Variants in UTP25 observed in about 807,000 individuals in gnomAD.
UTP25 encodes the protein U3 small nucleolar RNA-associated protein 25 homolog.
A neutral mutation model predicts 78.9 loss-of-function variants in UTP25; 50 were observed. The ratio of observed to expected loss-of-function variants is 0.63; its 90% CI spans 0.50 to 0.80. UTP25 has a LOEUF of 0.80. Ranked by LOEUF, UTP25 falls within the 30% of genes least tolerant of loss-of-function variation. The pLI is 0.00. For missense variants in UTP25, 846 were observed against 911.3 expected, an observed-to-expected ratio of 0.93 and a Z score of 0.92; for synonymous variants, 329 against 336.5, an observed-to-expected ratio of 0.98 and a Z score of 0.24.
In UTP25 at chr1:209,851,244, C is replaced by A. The variant is rs2078235955; in HGVS notation, c.2068C>A (p.Leu690Met). 2 of 1,613,924 alleles carry A rather than the reference C, an allele frequency of 1.2e-6. No individual in the cohort carries two copies. The highest frequency in any genetic ancestry group is 1.3e-5 in the African/African-American group (1 of 74,922). Residue 690 changes from leucine (L) to methionine (M), a missense_variant, in exon 12 of 12, where the codon CTG becomes ATG. Physicochemically the swap from Leu to Met is conservative, Grantham distance 15. Transcript: ENST00000491415. The stretch of plus-strand genomic sequence containing the variant: ...CATCAGGAACCTGATTTTCTATGAA[C>A]TGCCGACATATCCACACTTTTACAG... ...KGIRNLIFYE[L>M]PTYPHFYSEI...
chr1:209,833,431 A>C, intron 4 of UTP25, 73 bp downstream of exon 4: 1 of 1,295,718 alleles, frequency 7.7e-7, no homozygotes, highest in Non-Finnish European at 1.0e-6. Flanking sequence ...TACACATTGA[A>C]TCTATTATTG....
chr1:209,843,635 T>G lies in UTP25; in HGVS notation c.1966T>G (p.Phe656Val). Reference protein sequence around the residue: ...QKSGVSRARHFFLQGEKQFLL... With the variant: ...QKSGVSRARHVFLQGEKQFLL... ...GTCTGGTGTCTCCAGGGCCAGACAC[T>G]TCTTCCTTCAAGGAGAGAAACAGTT... Residue 656 changes from phenylalanine (F) to valine (V), a missense_variant, in exon 11 of 12, where the codon TTC (phenylalanine) becomes GTC (valine). By Grantham distance (50) the Phe-to-Val change is conservative. Coordinates refer to ENST00000491415, the MANE Select transcript of UTP25 (RefSeq NM_014388.7). The G allele has an allele frequency of 1.2e-5, 20 of 1,614,146 alleles. No homozygotes were observed. The highest frequency in any genetic ancestry group is 1.7e-5 in the Non-Finnish European group (20 of 1,180,000).
At chr1:209,849,610 G>A (rs535767862) in intron 11 of UTP25, among the ~76,000 whole-genome samples, 1 of 152,212 alleles carries the variant, frequency 6.6e-6, no homozygotes, top group East Asian at 1.9e-4. Flanking sequence ...GGGCTTTCAT[G>A]TCCCTACCAC....
Position 209,830,788 on chromosome 1 carries a change from T to A in UTP25, c.148-15T>A. ...AATATAGTTTTTGTTCTTAAAATTC[T>A]CCTTTTCCTTTTAGTCAGAGAGTTC... On this transcript the variant is annotated splice_polypyrimidine_tract_variant and intron_variant, in intron 2 of 11. Coordinates refer to ENST00000491415, the MANE Select transcript of UTP25 (RefSeq NM_014388.7). 6.2e-7 allele frequency: 1 copy of A among 1,609,510 alleles called. No homozygotes were observed. The highest frequency in any genetic ancestry group is 8.5e-7 in the Non-Finnish European group (1 of 1,177,900).
At chr1:209,833,681 T>G (rs1354395940) in intron 4 of UTP25, among the ~76,000 whole-genome samples, 6 of 152,056 alleles carry the variant, frequency 3.9e-5, no homozygotes, top group Non-Finnish European at 8.8e-5. Flanking sequence ...AAAAAATACT[T>G]CCTCTACCCC....
At position 209,855,024 on chromosome 1, in the gene UTP25, A is replaced by G. The variant is rs1159859337; in HGVS notation, c.*3577A>G. ...AAAGCCTGGCTACATAGAATTCTAA[A>G]CAGATTTCAGTCAACTTTTAATTAG... On this transcript the variant is annotated 3_prime_UTR_variant, in exon 12 of 12. Transcript: ENST00000491415. 1.3e-5 allele frequency: 2 copies of G among 152,206 alleles called. No homozygotes were observed. The highest frequency in any genetic ancestry group is 1.3e-4 in the Admixed American group (2 of 15,286). 9.4% of individuals were successfully genotyped at this position (152,206 alleles called of 1,614,324 possible). A position where few individuals can be genotyped will look rare whatever the true frequency, so the allele number is the denominator to read the frequency against.
chr1:209,841,482 T>C (rs1460372994), intron 8 of UTP25, among the ~76,000 whole-genome samples: 1 of 152,202 alleles, frequency 6.6e-6, no homozygotes, highest in Admixed American at 6.5e-5. Context: ...CTGCTCAAGA[T>C]TTTTTAAGGT....
In UTP25 at chr1:209,837,336, T is replaced by C. The variant is rs970583052; in HGVS notation, c.1062+125T>C. On this transcript the variant is annotated intron_variant, in intron 6 of 11. Coordinates refer to ENST00000491415, the MANE Select transcript of UTP25 (RefSeq NM_014388.7). ...GACTGGCATAATGAATGAGCCCAAA[T>C]GTGAGCATATTAAGTAGGCCAGGTA... The C allele has an allele frequency of 6.5e-5, 74 of 1,139,134 alleles. No individual in the cohort carries two copies. The African/African-American group carries it at 1.1e-3, about 17-fold the overall frequency. The allele number at this position is 1,139,134 out of a possible 1,614,324, so 70.6% of individuals were successfully genotyped here.
At chr1:209,832,368 C>T (rs9308411) in intron 3 of UTP25, among the ~76,000 whole-genome samples, 103,701 of 151,966 alleles carry the variant, frequency 0.68, 36,081 homozygotes, top group Non-Finnish European at 0.75. Flanking sequence ...TGTGGATTCA[C>T]ATTAGCTTCT....
intron 7 of UTP25, 141 bp from the exon 8 acceptor site, chr1:209,840,712 A>T: frequency 1.3e-6 from 1 of 742,576 alleles, no homozygotes; most frequent in Non-Finnish European, 2.3e-6. Flanking sequence ...TTTAATAATT[A>T]AAGCAGTTGA....
At chr1:209,851,176 C>A in intron 11 of UTP25, 28 bp from the exon 12 acceptor site, 1 of 1,596,346 alleles carries the variant, frequency 6.3e-7, no homozygotes, top group Non-Finnish European at 8.5e-7. Context: ...CTCAAGTTGA[C>A]ATAGCTCTTT....
At chr1:209,835,858 C>G (rs1321722248) in intron 5 of UTP25, among the ~76,000 whole-genome samples, 2 of 152,320 alleles carry the variant, frequency 1.3e-5, no homozygotes, top group African/African-American at 4.8e-5. Flanking sequence ...TTGATATAAT[C>G]TACCAGTCTT....
intron 10 of UTP25, chr1:209,843,130 A>G (rs1434723313): frequency 2.5e-6 from 1 of 393,806 alleles, no homozygotes; most frequent in African/African-American, 2.0e-5. Flanking sequence ...ATGTTCAGTG[A>G]TTATTTGTTG....
chr1:209,850,797 A>T (rs2078226497), intron 11 of UTP25, among the ~76,000 whole-genome samples: 1 of 152,120 alleles, frequency 6.6e-6, no homozygotes, highest in African/African-American at 2.4e-5. Flanking sequence ...AACTTATTTT[A>T]TGTACTGGGT....
chr1:209,838,162 A>C (rs1469205824), intron 6 of UTP25, among the ~76,000 whole-genome samples: 2 of 152,252 alleles, frequency 1.3e-5, no homozygotes, highest in Non-Finnish European at 2.9e-5. Flanking sequence ...ATTACATAGA[A>C]GAATAAGAGG....
At position 209,843,583 on chromosome 1, in the gene UTP25, T is replaced by C. The variant is rs752365405; in HGVS notation, c.1914T>C (p.Phe638=). 1 of 1,614,212 alleles carries C rather than the reference T, an allele frequency of 6.2e-7. No homozygotes were observed. Among genetic ancestry groups the C allele is most frequent in the South Asian group, 1.1e-5 (1 of 91,088 alleles). The change falls in exon 11 of 12, where the codon TTT becomes TTC. Residue 638 remains phenylalanine, a synonymous_variant. Transcript: ENST00000491415. ...RNYFKKEELN[F]THICEYTQKS... ...ACTTCAAGAAGGAGGAATTGAATTT[T>C]ACCCACATCTGCGAGTACACGCAGA...
At chr1:209,842,230 G>C (rs1268449657) in intron 8 of UTP25, 35 bp from the exon 9 acceptor site, 12 of 1,599,688 alleles carry the variant, frequency 7.5e-6, no homozygotes, top group South Asian at 4.4e-5. Context: ...AATGCTCTCA[G>C]TCAACACTAA....
intron 11 of UTP25, among the ~76,000 whole-genome samples, chr1:209,849,647 C>T (rs1027343400): frequency 1.3e-5 from 2 of 152,172 alleles, no homozygotes; most frequent in African/African-American, 4.8e-5. Context: ...GGGTCTTCTG[C>T]TTTCTCCAGG....
intron 11 of UTP25, among the ~76,000 whole-genome samples, chr1:209,845,272 T>C (rs2078191368): frequency 6.6e-6 from 1 of 152,248 alleles, no homozygotes; most frequent in African/African-American, 2.4e-5. Context: ...AATGAATGCC[T>C]GCTTGTTGCC....
Sources: gnomAD v4.1 joint callset for allele counts (sites outside exome capture counted in the v4.1 genomes callset) on GRCh38, gnomAD v4.1.1 for gene constraint, MANE v1.5 for transcripts, NCBI Gene and HGNC (gene_info 2026-07-23, HGNC 2026-07-21) for gene names.